Variants in CHD9NB observed in about 807,000 individuals in gnomAD.
CHD9NB encodes CHD9 neighbor protein.
chr16:53,039,259 A>T, the CHD9NB span, among the ~76,000 whole-genome samples: 1 of 152,324 alleles, frequency 6.6e-6, no homozygotes, highest in East Asian at 1.9e-4. Flanking sequence ...TTATTCTGGC[A>T]TGGCTGGATC....
At chr16:53,050,507 C>CA in the CHD9NB span, among the ~76,000 whole-genome samples, 2 of 151,300 alleles carry the variant, frequency 1.3e-5, no homozygotes, top group Non-Finnish European at 2.9e-5. Flanking sequence ...GACCCCGTCT[C>CA]AAAAAAAATA....
At chr16:53,042,572 TCCGTCTCTTCCTCCCTCC>T in the CHD9NB span, among the ~76,000 whole-genome samples, 1 of 129,120 alleles carries the variant, frequency 7.7e-6, no homozygotes, top group East Asian at 2.7e-4. Flanking sequence ...CACTTCCCTC[TCCGTCTCTTCCTCCCTCC>T]CCGTCCCCCA....
At chr16:53,037,702 T>C in the CHD9NB span, among the ~76,000 whole-genome samples, 2 of 152,148 alleles carry the variant, frequency 1.3e-5, no homozygotes, top group Admixed American at 1.3e-4. Flanking sequence ...CTTTTGCAGG[T>C]CAAATATTTT....
the CHD9NB span, among the ~76,000 whole-genome samples, chr16:53,049,322 TTGTGTGTG>T: frequency 1.6e-3 from 226 of 144,986 alleles, 2 homozygotes; most frequent in East Asian, 0.023. Flanking sequence ...CCCCCAGCTG[TTGTGTGTG>T]TGTGTGTGTG....
At chr16:53,047,331 A>C in the CHD9NB span, 2 of 152,212 alleles carry the variant, frequency 1.3e-5, no homozygotes, top group Admixed American at 1.3e-4. Flanking sequence ...CATTTACCAT[A>C]GGGCATTTAC....
At chr16:53,042,313 C>A in the CHD9NB span, among the ~76,000 whole-genome samples, 2 of 148,892 alleles carry the variant, frequency 1.3e-5, no homozygotes, top group African/African-American at 5.0e-5. Flanking sequence ...CCTCCGTCTC[C>A]CCTCTCCTTC....
chr16:53,041,380 A>G, the CHD9NB span, among the ~76,000 whole-genome samples: 1 of 152,242 alleles, frequency 6.6e-6, no homozygotes, highest in Admixed American at 6.5e-5. Context: ...GAAACTGAGT[A>G]CTTTTTTCTG....
At chr16:53,039,975 C>G in the CHD9NB span, among the ~76,000 whole-genome samples, 1 of 152,104 alleles carries the variant, frequency 6.6e-6, no homozygotes, top group Non-Finnish European at 1.5e-5. Flanking sequence ...CCACTGACGT[C>G]CTAGCATCAT....
the CHD9NB span, among the ~76,000 whole-genome samples, chr16:53,041,252 T>C: frequency 3.3e-5 from 5 of 152,272 alleles, no homozygotes; most frequent in South Asian, 2.1e-4. Flanking sequence ...GTTAAAGTTA[T>C]ATTTCAGTAG....
chr16:53,036,192 C>T, the CHD9NB span, among the ~76,000 whole-genome samples: 3 of 152,184 alleles, frequency 2.0e-5, no homozygotes, highest in African/African-American at 7.2e-5. Flanking sequence ...GCTATGTTAA[C>T]TTGGGCAATT....
the CHD9NB span, among the ~76,000 whole-genome samples, chr16:53,052,288 T>C: frequency 8.6e-5 from 13 of 151,738 alleles, no homozygotes; most frequent in African/African-American, 3.1e-4. Flanking sequence ...ATGCCTGCAG[T>C]CCCAGCTACT....
At chr16:53,052,712 G>A in the CHD9NB span, 1 of 153,256 alleles carries the variant, frequency 6.5e-6, no homozygotes, top group Non-Finnish European at 1.5e-5. Flanking sequence ...ACATGACTCA[G>A]ACACTTTAAA....
chr16:53,044,191 G>T, the CHD9NB span: 10 of 398,536 alleles, frequency 2.5e-5, no homozygotes, highest in Admixed American at 4.4e-5. Flanking sequence ...AGTGCCCTTG[G>T]ATGTTCCAGG....
At chr16:53,043,809 A>C in the CHD9NB span, 1 of 391,314 alleles carries the variant, frequency 2.6e-6, no homozygotes, top group Non-Finnish European at 4.5e-6. Flanking sequence ...AGGATTCCTT[A>C]TAGACTTATC....
chr16:53,044,240 TTAAA>T, the CHD9NB span: 1 of 397,932 alleles, frequency 2.5e-6, no homozygotes, highest in South Asian at 1.3e-4. Flanking sequence ...GGGGCCAGCG[TTAAA>T]TAACCATCCT....
At chr16:53,051,780 T>TATATATAGATATATAG in the CHD9NB span, among the ~76,000 whole-genome samples, 1 of 34,598 alleles carries the variant, frequency 2.9e-5, no homozygotes, top group African/African-American at 5.3e-5. Flanking sequence ...TATATATATA[T>TATATATAGATATATAG]ATATATATAT....
At chr16:53,048,499 G>C in the CHD9NB span, among the ~76,000 whole-genome samples, 1 of 152,128 alleles carries the variant, frequency 6.6e-6, no homozygotes, top group African/African-American at 2.4e-5. Flanking sequence ...CAGGACCCTA[G>C]GGGGGCTTAT....
At chr16:53,045,175 C>T in the CHD9NB span, among the ~76,000 whole-genome samples, 2 of 152,152 alleles carry the variant, frequency 1.3e-5, no homozygotes, top group Non-Finnish European at 2.9e-5. Context: ...GTTGCCCAGG[C>T]TGATCTCGAA....
At chr16:53,036,042 C>T in the CHD9NB span, 1 of 151,900 alleles carries the variant, frequency 6.6e-6, no homozygotes, top group South Asian at 2.1e-4. Flanking sequence ...AACTTGGCTA[C>T]ATCTTCAAAC....
Sources: gnomAD v4.1 joint callset for allele counts (sites outside exome capture counted in the v4.1 genomes callset) on GRCh38, gnomAD v4.1.1 for gene constraint, MANE v1.5 for transcripts, NCBI Gene and HGNC (gene_info 2026-07-23, HGNC 2026-07-21) for gene names.